The following PLEKHA7 variants were observed in gnomAD, a reference collection of about 807,000 sequenced individuals.
PLEKHA7 encodes pleckstrin homology domain containing A7, also known as pleckstrin homology domain-containing family A member 7.
A neutral mutation model predicts 170.0 loss-of-function variants in PLEKHA7; 104 were observed. That is an observed-to-expected ratio of 0.61 (90% CI 0.52 to 0.72). The LOEUF (loss-of-function observed/expected upper bound fraction) is 0.72. Ranked by LOEUF, PLEKHA7 falls within the 30% of genes least tolerant of loss-of-function variation. The pLI, the probability that PLEKHA7 is intolerant of heterozygous loss-of-function variation, is 0.00. For missense variants in PLEKHA7, 1,615 were observed against 1,671.7 expected (o/e 0.97, Z 0.59); for synonymous variants, 648 against 660.8 (o/e 0.98, Z 0.30).
At chr11:16,844,664 A>C (rs1235270816) in intron 8 of PLEKHA7, among the ~76,000 whole-genome samples, 1 of 152,234 alleles carries the variant, frequency 6.6e-6, no homozygotes, top group Admixed American at 6.5e-5. Context: ...ATGTGAATGA[A>C]GAACTTACCT....
At chr11:16,793,616 C>A (rs926940425) in intron 19 of PLEKHA7, among the ~76,000 whole-genome samples, 3 of 152,274 alleles carry the variant, frequency 2.0e-5, no homozygotes, top group Non-Finnish European at 4.4e-5. Context: ...GAGGTCCACT[C>A]TTCTATGGCT....
At chr11:16,974,347 C>T (rs1372791311) in intron 3 of PLEKHA7, among the ~76,000 whole-genome samples, 1 of 151,162 alleles carries the variant, frequency 6.6e-6, no homozygotes. Flanking sequence ...TTGGGTGCCA[C>T]CCGTTTTTGC....
intron 4 of PLEKHA7, among the ~76,000 whole-genome samples, chr11:16,866,666 C>T (rs536344569): frequency 6.6e-6 from 1 of 152,234 alleles, no homozygotes; most frequent in African/African-American, 2.4e-5. Context: ...ATGAGAAATT[C>T]GCCTTTGCTG....
chr11:16,998,454 C>T (rs1362500467), intron 3 of PLEKHA7, among the ~76,000 whole-genome samples: 2 of 152,226 alleles, frequency 1.3e-5, no homozygotes, highest in African/African-American at 4.8e-5. Flanking sequence ...TCCTCAGACA[C>T]ATGCGGCTTT....
chr11:16,975,372 A>T (rs945222370), intron 3 of PLEKHA7, among the ~76,000 whole-genome samples: 2 of 152,238 alleles, frequency 1.3e-5, no homozygotes, highest in Non-Finnish European at 2.9e-5. Context: ...AATTTTATCG[A>T]TTACTGGCTA....
chr11:16,966,290 A>G (rs192558173), intron 3 of PLEKHA7, among the ~76,000 whole-genome samples: 57 of 149,114 alleles, frequency 3.8e-4, no homozygotes, highest in African/African-American at 1.3e-3. Flanking sequence ...TTGTGCATGT[A>G]TGTGTGTGTG....
chr11:16,911,450 C>T (rs1450535791), intron 3 of PLEKHA7, among the ~76,000 whole-genome samples: 2 of 152,190 alleles, frequency 1.3e-5, no homozygotes, highest in African/African-American at 4.8e-5. Context: ...GGGTAAGACT[C>T]AGGACATCAA....
chr11:16,991,883 G>A (rs916578203), intron 3 of PLEKHA7, among the ~76,000 whole-genome samples: 1 of 152,192 alleles, frequency 6.6e-6, no homozygotes, highest in Admixed American at 6.5e-5. Context: ...GGCGGCAGAT[G>A]ACAGTGGCGT....
At chr11:16,921,048 T>C (rs902480877) in intron 3 of PLEKHA7, among the ~76,000 whole-genome samples, 2 of 152,266 alleles carry the variant, frequency 1.3e-5, no homozygotes, top group Admixed American at 1.3e-4. Context: ...GAGCAATGCC[T>C]GTGTCTGAAA....
chr11:17,004,570 T>G (rs900587446), intron 3 of PLEKHA7, among the ~76,000 whole-genome samples: 1 of 151,932 alleles, frequency 6.6e-6, no homozygotes, highest in Admixed American at 6.6e-5. Context: ...TTTTTGTATT[T>G]TTAGTAGAGA....
chr11:16,857,185 C>T (rs1853534558), intron 4 of PLEKHA7, among the ~76,000 whole-genome samples: 1 of 152,236 alleles, frequency 6.6e-6, no homozygotes, highest in Non-Finnish European at 1.5e-5. Context: ...TCCTACACCA[C>T]AAGGGAAGTT....
intron 3 of PLEKHA7, among the ~76,000 whole-genome samples, chr11:16,970,322 A>G (rs141726725): frequency 6.6e-6 from 1 of 152,262 alleles, no homozygotes; most frequent in East Asian, 1.9e-4. Flanking sequence ...TGGGGATAAT[A>G]ATCCTCCCCT....
At chr11:16,973,321 G>A (rs1276776259) in intron 3 of PLEKHA7, among the ~76,000 whole-genome samples, 1 of 152,186 alleles carries the variant, frequency 6.6e-6, no homozygotes, top group Non-Finnish European at 1.5e-5. Flanking sequence ...AGGTAAAGAG[G>A]TGATGTGGGG....
intron 3 of PLEKHA7, among the ~76,000 whole-genome samples, chr11:16,899,352 C>G (rs919009975): frequency 6.6e-6 from 1 of 152,096 alleles, no homozygotes; most frequent in African/African-American, 2.4e-5. Context: ...ACAAAATTAG[C>G]CGGGCGTGGT....
intron 17 of PLEKHA7, among the ~76,000 whole-genome samples, chr11:16,799,716 G>A (rs558408187): frequency 6.6e-6 from 1 of 152,334 alleles, no homozygotes; most frequent in East Asian, 1.9e-4. Flanking sequence ...TACGGTAAAT[G>A]CTGCGGCTAC....
chr11:16,907,740 G>GCCA (rs1291812921), intron 3 of PLEKHA7, among the ~76,000 whole-genome samples: 3 of 143,530 alleles, frequency 2.1e-5, no homozygotes, highest in Non-Finnish European at 3.1e-5. Flanking sequence ...CCTCTGCCCG[G>GCCA]CCACCACCCC....
At chr11:16,905,185 G>A (rs177546) in intron 3 of PLEKHA7, among the ~76,000 whole-genome samples, 9 of 152,094 alleles carry the variant, frequency 5.9e-5, no homozygotes, top group East Asian at 1.9e-4. Flanking sequence ...CTGGGAAATC[G>A]AGGGTGCAGT....
intron 3 of PLEKHA7, among the ~76,000 whole-genome samples, chr11:16,923,648 C>A (rs976739284): frequency 6.6e-6 from 1 of 152,072 alleles, no homozygotes; most frequent in African/African-American, 2.4e-5. Context: ...AGCACAGCAG[C>A]CTGTCTGGAA....
intron 8 of PLEKHA7, among the ~76,000 whole-genome samples, chr11:16,845,290 G>A (rs771201809): frequency 6.6e-6 from 1 of 152,238 alleles, no homozygotes; most frequent in Non-Finnish European, 1.5e-5. Context: ...GGGCCTTGCA[G>A]ATCATATAGG....
Sources: gnomAD v4.1 joint callset for allele counts (sites outside exome capture counted in the v4.1 genomes callset) on GRCh38, gnomAD v4.1.1 for gene constraint, MANE v1.5 for transcripts, NCBI Gene and HGNC (gene_info 2026-07-23, HGNC 2026-07-21) for gene names.